Variants in CLCA4 observed in about 807,000 individuals in gnomAD.
CLCA4 encodes calcium-activated chloride channel regulator 4.
A neutral mutation model predicts 78.9 loss-of-function variants in CLCA4; 69 were observed. The observed-to-expected ratio is 0.87, with a 90% CI of 0.72 to 1.07. The LOEUF is 1.07. Among genes scored for constraint, CLCA4 ranks in the 50% least tolerant of loss-of-function variants. The pLI is 0.00. For synonymous variants in CLCA4, 362 were observed against 375.8 expected (o/e 0.96, Z 0.42); for missense variants, 1,133 against 1,095.8 (o/e 1.03, Z -0.48).
chr1:86,570,311 A>G (rs766387352), intron 7 of CLCA4, among the ~76,000 whole-genome samples: 9 of 152,096 alleles, frequency 5.9e-5, no homozygotes, highest in Admixed American at 2.6e-4. Flanking sequence ...GCCACCACCA[A>G]TTAAAACTGT....
chr1:86,578,010 C>A lies in CLCA4; in HGVS notation c.2060C>A (p.Ala687Asp). The A allele has an allele frequency of 3.7e-6, 6 of 1,612,750 alleles. No individual in the cohort carries two copies. Among genetic ancestry groups the A allele is most frequent in the Non-Finnish European group, 4.2e-6 (5 of 1,179,318 alleles). Residue 687 changes from alanine to aspartate, a missense_variant, in exon 12 of 14, where the codon GCC becomes GAC. Physicochemically the swap from Ala to Asp is moderately radical, Grantham distance 126. Transcript: ENST00000370563. ...CGGGCTCATGGAGGAGCAAACACTG[C>A]CAGGCTAAAATTACGGCCTCCACTG... Reference protein sequence around the residue: ...KVRAHGGANTARLKLRPPLNR... With the variant: ...KVRAHGGANTDRLKLRPPLNR...
intron 3 of CLCA4, 55 bp downstream of exon 3, chr1:86,560,413 A>G: frequency 1.3e-6 from 2 of 1,584,412 alleles, no homozygotes; most frequent in Non-Finnish European, 1.7e-6. Context: ...ACAACTTTTT[A>G]TGCAGGTTAA....
intron 9 of CLCA4, 168 bp downstream of exon 9, chr1:86,572,888 G>C: frequency 1.6e-6 from 1 of 632,702 alleles, no homozygotes; most frequent in South Asian, 1.7e-5. Context: ...AAATTAATTG[G>C]TGAAATAAGA....
At chr1:86,570,026 C>T (rs774892530) in intron 7 of CLCA4, among the ~76,000 whole-genome samples, 6 of 151,956 alleles carry the variant, frequency 3.9e-5, no homozygotes, top group Non-Finnish European at 8.8e-5. Context: ...AAGCATTTTC[C>T]TCTCTTTCCG....
At chr1:86,559,425 T>C (rs907972316) in intron 1 of CLCA4, among the ~76,000 whole-genome samples, 2 of 152,202 alleles carry the variant, frequency 1.3e-5, no homozygotes, top group Admixed American at 1.3e-4. Flanking sequence ...GCCTGTTTTC[T>C]ACGAAGATTT....
rs1282802672 is a variant in CLCA4, at chr1:86,575,532, T to C, written c.1884T>C (p.Asn628=). 8.1e-6 allele frequency: 13 copies of C among 1,613,432 alleles called. No homozygotes were observed. Among genetic ancestry groups the C allele is most frequent in the Non-Finnish European group, 1.1e-5 (13 of 1,179,558 alleles). Residue 628 remains asparagine (N), a synonymous_variant, in exon 11 of 14, where the codon AAT becomes AAC. Transcript: ENST00000370563. ...LQGYVPVLGA[N]VTAFIESQNG... ...GATATGTACCTGTTCTTGGAGCCAA[T>C]GTGACTGCTTTCATTGAATCACAGA...
At chr1:86,554,309 G>A (rs932920695) in intron 1 of CLCA4, among the ~76,000 whole-genome samples, 7 of 152,102 alleles carry the variant, frequency 4.6e-5, no homozygotes, top group African/African-American at 1.4e-4. Flanking sequence ...CCATGTTCCC[G>A]CAAAAGACAT....
chr1:86,550,854 C>G (rs565369605), intron 1 of CLCA4, among the ~76,000 whole-genome samples: 1 of 137,918 alleles, frequency 7.3e-6, no homozygotes, highest in African/African-American at 2.7e-5. Flanking sequence ...TTTTTTGAGA[C>G]AGAATCTCGA....
chr1:86,556,841 T>G (rs1649864076), intron 1 of CLCA4, among the ~76,000 whole-genome samples: 1 of 151,974 alleles, frequency 6.6e-6, no homozygotes, highest in African/African-American at 2.4e-5. Flanking sequence ...GTTTGTTGTT[T>G]GTAGGCTCTT....
intron 1 of CLCA4, among the ~76,000 whole-genome samples, 197 bp from the exon 2 acceptor site, chr1:86,559,735 G>A (rs556168895): frequency 6.6e-6 from 1 of 152,258 alleles, no homozygotes; most frequent in African/African-American, 2.4e-5. Flanking sequence ...GAAGACTGAG[G>A]AGGCTTTCAA....
chr1:86,550,803 G>C (rs994690347), intron 1 of CLCA4, among the ~76,000 whole-genome samples: 3 of 150,034 alleles, frequency 2.0e-5, no homozygotes, highest in Non-Finnish European at 4.4e-5. Context: ...ATTTCCTCAT[G>C]AGATAATAAG....
chr1:86,572,667 G>T lies in CLCA4; in HGVS notation c.1414G>T (p.Ala472Ser). 1 of 1,609,798 alleles carries T rather than the reference G, an allele frequency of 6.2e-7. No homozygotes were observed. Among genetic ancestry groups the T allele is most frequent in the East Asian group, 2.2e-5 (1 of 44,738 alleles). The change falls in exon 9 of 14, where the codon GCT (alanine) becomes TCT (serine). Residue 472 changes from alanine to serine, a missense_variant. Coordinates refer to ENST00000370563, the MANE Select transcript of CLCA4 (RefSeq NM_012128.4). ...DEAQNNGLIDAFGALTSGNTD... is the reference protein window; with the variant it reads ...DEAQNNGLIDSFGALTSGNTD... ...AGCTCAGAACAATGGCCTCATTGAT[G>T]CTTTTGGGGCTCTTACATCAGGAAA...
At chr1:86,566,077 A>G (rs1650182987) in intron 6 of CLCA4, 57 bp downstream of exon 6, 2 of 1,456,266 alleles carry the variant, frequency 1.4e-6, no homozygotes, top group East Asian at 2.3e-5. Flanking sequence ...CCGAGAACAC[A>G]CTGAACTCTG....
At chr1:86,555,542 G>T (rs1649813147) in intron 1 of CLCA4, among the ~76,000 whole-genome samples, 1 of 152,082 alleles carries the variant, frequency 6.6e-6, no homozygotes, top group African/African-American at 2.4e-5. Flanking sequence ...GCTCTCTGTT[G>T]TGTTCTGTTG....
intron 9 of CLCA4, among the ~76,000 whole-genome samples, chr1:86,573,535 T>C (rs1179246239): frequency 4.6e-5 from 7 of 152,030 alleles, no homozygotes; most frequent in African/African-American, 1.7e-4. Context: ...CTTGCCATGA[T>C]CCCTAAACAA....
chr1:86,571,676 T>C lies in CLCA4; in HGVS notation c.1360+422T>C, dbSNP rs111815784. Among the ~76,000 whole-genome samples the C allele has an allele frequency of 4.1e-3, 621 of 151,980 alleles. 5 individuals carry two copies. Among genetic ancestry groups the C allele is most frequent in the African/African-American group, 0.013 (530 of 41,490 alleles). On this transcript the variant is annotated intron_variant, in intron 8 of 13. Coordinates refer to ENST00000370563, the MANE Select transcript of CLCA4 (RefSeq NM_012128.4). ...AAAAAACATCACGTTGGGGTGACAA[T>C]GCAAGGCGCATGGAGGGAATGGTGA...
chr1:86,552,978 G>C, intron 1 of CLCA4: 1 of 628,534 alleles, frequency 1.6e-6, no homozygotes, highest in East Asian at 2.7e-5. Context: ...TAGAAACTGA[G>C]CCCTGTGCGT....
intron 4 of CLCA4, among the ~76,000 whole-genome samples, chr1:86,564,021 T>C (rs969124945): frequency 3.2e-4 from 48 of 152,260 alleles, no homozygotes; most frequent in African/African-American, 1.1e-3. Flanking sequence ...CTCACTTGCT[T>C]GGAGTTGGGC....
chr1:86,562,154 A>G (rs1280979407), intron 3 of CLCA4, among the ~76,000 whole-genome samples: 1 of 152,158 alleles, frequency 6.6e-6, no homozygotes, highest in Non-Finnish European at 1.5e-5. Context: ...GATAGCTGGA[A>G]ATGAGACAAT....
Sources: allele counts gnomAD v4.1 joint callset (sites outside exome capture counted in the v4.1 genomes callset), GRCh38; gene constraint gnomAD v4.1.1; transcripts MANE v1.5; gene names NCBI Gene and HGNC (gene_info 2026-07-23, HGNC 2026-07-21).